STARD13: variants seen among roughly 807,000 people sequenced by gnomAD.
The protein encoded by STARD13 is StAR related lipid transfer domain containing 13, also known as stAR-related lipid transfer protein 13.
A neutral mutation model predicts 106.4 loss-of-function variants in STARD13; 62 were observed. The ratio of observed to expected loss-of-function variants is 0.58; its 90% CI spans 0.48 to 0.72. The LOEUF (loss-of-function observed/expected upper bound fraction) is 0.72, where lower values mean the gene tolerates loss of function less well. Ranked by LOEUF, STARD13 falls within the 30% of genes least tolerant of loss-of-function variation. The pLI is 0.00. For synonymous variants in STARD13, 565 were observed against 553.0 expected (o/e 1.02, Z -0.31); for missense variants, 1,387 against 1,424.0 (o/e 0.97, Z 0.42).
chr13:33,622,556 G>A, the STARD13 span, among the ~76,000 whole-genome samples: 2 of 135,164 alleles, frequency 1.5e-5, no homozygotes, highest in Non-Finnish European at 3.1e-5. Context: ...GGAGAATGGC[G>A]TGAACCCGGG....
At chr13:33,302,486 G>A (rs1892758285) in intron 1 of STARD13, among the ~76,000 whole-genome samples, 2 of 152,052 alleles carry the variant, frequency 1.3e-5, no homozygotes, top group African/African-American at 4.8e-5. Context: ...CGTGATCATG[G>A]CTCACTGAAG....
At chr13:33,533,306 C>T in the STARD13 span, among the ~76,000 whole-genome samples, 1 of 152,102 alleles carries the variant, frequency 6.6e-6, no homozygotes, top group Non-Finnish European at 1.5e-5. Flanking sequence ...CCCCCACAGG[C>T]CTTTCTGCCC....
chr13:33,296,136 C>G (rs1892484007), intron 1 of STARD13, among the ~76,000 whole-genome samples: 1 of 151,334 alleles, frequency 6.6e-6, no homozygotes, highest in East Asian at 1.9e-4. Flanking sequence ...GGTTGAGGCA[C>G]AAGAATCGCT....
Position 33,127,466 on chromosome 13 carries a change from G to T in STARD13, c.1829C>A (p.Ala610Asp). ...PASPHISSQT[A>D]SQLSLLQRFS... ...GCGCTGGAGCAGGCTCAGCTGGCTGGCCGTCTGGCTGCTGATGTGGGGCGA... is the reference window on the plus strand; with the variant it reads ...GCGCTGGAGCAGGCTCAGCTGGCTGTCCGTCTGGCTGCTGATGTGGGGCGA... The change falls in exon 6 of 14, where the codon GCC (alanine) becomes GAC (aspartate). Residue 610 changes from alanine (A) to aspartate (D), a missense_variant. By Grantham distance (126) the Ala-to-Asp change is moderately radical (BLOSUM62 -2). Coordinates refer to ENST00000336934, the MANE Select transcript of STARD13 (RefSeq NM_178006.4). 6.3e-7 allele frequency: 1 copy of T among 1,599,126 alleles called. No individual in the cohort carries two copies.
At chr13:33,308,733 A>G (rs1358350949) in intron 1 of STARD13, among the ~76,000 whole-genome samples, 1 of 152,066 alleles carries the variant, frequency 6.6e-6, no homozygotes, top group African/African-American at 2.4e-5. Context: ...CATGTTGGTC[A>G]GCCTGGTCTC....
At chr13:33,635,955 G>C in the STARD13 span, among the ~76,000 whole-genome samples, 1 of 151,958 alleles carries the variant, frequency 6.6e-6, no homozygotes. Flanking sequence ...CTGCACTTCA[G>C]CCTGGGCGAC....
At chr13:33,422,336 C>T in the STARD13 span, among the ~76,000 whole-genome samples, 8 of 152,082 alleles carry the variant, frequency 5.3e-5, no homozygotes, top group Non-Finnish European at 1.2e-4. Context: ...TGAGTGAAGT[C>T]CCTTTCACAA....
chr13:33,109,622 C>T (rs1461425832), intron 12 of STARD13, among the ~76,000 whole-genome samples: 1 of 152,166 alleles, frequency 6.6e-6, no homozygotes, highest in Non-Finnish European at 1.5e-5. Flanking sequence ...TATTTATGGC[C>T]TAATAAACTG....
the STARD13 span, among the ~76,000 whole-genome samples, chr13:33,430,648 C>T: frequency 6.6e-6 from 1 of 152,140 alleles, no homozygotes; most frequent in Non-Finnish European, 1.5e-5. Flanking sequence ...GCACTATTCA[C>T]GTAGCCAAAA....
At chr13:33,666,781 A>T in the STARD13 span, among the ~76,000 whole-genome samples, 1 of 151,974 alleles carries the variant, frequency 6.6e-6, no homozygotes, top group Non-Finnish European at 1.5e-5. Flanking sequence ...TAGTAGAGAC[A>T]GGGTTTCACC....
intron 3 of STARD13, 24 bp from the exon 4 acceptor site, chr13:33,142,397 G>C: frequency 2.5e-6 from 4 of 1,589,742 alleles, no homozygotes; most frequent in Non-Finnish European, 3.5e-6. Context: ...AAAATGTGAT[G>C]ATTACTTTCA....
intron 1 of STARD13, among the ~76,000 whole-genome samples, chr13:33,192,432 T>C (rs1239455078): frequency 3.9e-5 from 6 of 152,356 alleles, no homozygotes; most frequent in South Asian, 4.1e-4. Context: ...GGAAAGTTTA[T>C]AGGACCTGTG....
chr13:33,349,343 C>G (rs1594293618), intron 1 of STARD13: 3 of 677,220 alleles, frequency 4.4e-6, no homozygotes. Flanking sequence ...TGAATGGGGT[C>G]CTAAACCCTG....
intron 1 of STARD13, among the ~76,000 whole-genome samples, chr13:33,269,426 C>A (rs78512338): frequency 1.3e-5 from 2 of 152,148 alleles, no homozygotes; most frequent in East Asian, 3.8e-4. Flanking sequence ...ATAATGTGGG[C>A]GGTGTGACAT....
the STARD13 span, among the ~76,000 whole-genome samples, chr13:33,405,270 T>C: frequency 6.6e-6 from 1 of 152,218 alleles, no homozygotes; most frequent in African/African-American, 2.4e-5. Context: ...ACCACTGCTT[T>C]AGTGAGTTTA....
At chr13:33,599,020 G>C in the STARD13 span, among the ~76,000 whole-genome samples, 167 of 152,284 alleles carry the variant, frequency 1.1e-3, no homozygotes, top group Non-Finnish European at 2.1e-3. Context: ...TCTACAAGGA[G>C]GGAATTTCAA....
chr13:33,550,868 CTCTT>C, the STARD13 span, among the ~76,000 whole-genome samples: 18 of 152,292 alleles, frequency 1.2e-4, no homozygotes, highest in Middle Eastern at 3.4e-3. Context: ...ATGTATCCTT[CTCTT>C]TCTTCAGGTC....
the STARD13 span, among the ~76,000 whole-genome samples, chr13:33,666,742 C>A: frequency 6.6e-6 from 1 of 152,232 alleles, no homozygotes; most frequent in Non-Finnish European, 1.5e-5. Context: ...AGGCTCCCAC[C>A]ACCACACCCG....
At chr13:33,379,114 TA>T in the STARD13 span, among the ~76,000 whole-genome samples, 1 of 152,028 alleles carries the variant, frequency 6.6e-6, no homozygotes, top group Non-Finnish European at 1.5e-5. Context: ...TATCTCAAAA[TA>T]AAAAAACAAG....
Sources: gnomAD v4.1 joint callset for allele counts (sites outside exome capture counted in the v4.1 genomes callset) on GRCh38, gnomAD v4.1.1 for gene constraint, MANE v1.5 for transcripts, NCBI Gene and HGNC (gene_info 2026-07-23, HGNC 2026-07-21) for gene names.